The following CSMD3 variants were observed in gnomAD, a reference collection of about 807,000 sequenced individuals.
The protein encoded by CSMD3 is CUB and Sushi multiple domains 3, also known as CUB and sushi domain-containing protein 3.
In CSMD3, 177 loss-of-function variants were observed where a neutral mutation model predicts 435.2. That is an observed-to-expected ratio of 0.41 (90% confidence interval 0.36 to 0.46). The LOEUF (loss-of-function observed/expected upper bound fraction) is 0.46, where lower values mean the gene tolerates loss of function less well. Among genes scored for constraint, CSMD3 ranks in the 20% least tolerant of loss-of-function variants. The probability of loss-of-function intolerance (pLI) is 0.34; values close to 1 mark genes in which losing one functional copy is unlikely to be tolerated. For synonymous variants in CSMD3, 1,656 were observed against 1,520.5 expected, an observed-to-expected ratio of 1.09 and a Z score of -2.07; for missense variants, 4,265 against 4,504.6, an observed-to-expected ratio of 0.95 and a Z score of 1.52.
At chr8:112,414,450 A>T (rs1235568526) in intron 32 of CSMD3, among the ~76,000 whole-genome samples, 11 of 152,160 alleles carry the variant, frequency 7.2e-5, no homozygotes, top group Non-Finnish European at 2.9e-5. Flanking sequence ...TTCTGCCATG[A>T]TTGTAAATTT....
intron 3 of CSMD3, among the ~76,000 whole-genome samples, chr8:113,243,919 A>G (rs531490834): frequency 6.6e-6 from 1 of 152,234 alleles, no homozygotes; most frequent in South Asian, 2.1e-4. Context: ...TAGAATGGGT[A>G]TTGAAAACTT....
At chr8:113,245,505 T>G (rs2093267256) in intron 3 of CSMD3, among the ~76,000 whole-genome samples, 1 of 152,190 alleles carries the variant, frequency 6.6e-6, no homozygotes, top group African/African-American at 2.4e-5. Flanking sequence ...TTATTTTCAG[T>G]AATATATAAA....
chr8:113,250,927 A>G (rs1022638624), intron 3 of CSMD3, among the ~76,000 whole-genome samples: 3 of 152,076 alleles, frequency 2.0e-5, no homozygotes, highest in Non-Finnish European at 4.4e-5. Context: ...AAATAAATAA[A>G]GTGTAAATTA....
intron 32 of CSMD3, among the ~76,000 whole-genome samples, chr8:112,416,745 T>G (rs1342608128): frequency 6.6e-6 from 1 of 152,184 alleles, no homozygotes; most frequent in Non-Finnish European, 1.5e-5. Context: ...TTCAATTTGT[T>G]TGTCATTTTT....
chr8:112,529,008 C>A (rs190079412), intron 27 of CSMD3, among the ~76,000 whole-genome samples: 58 of 152,180 alleles, frequency 3.8e-4, no homozygotes, highest in African/African-American at 1.4e-3. Context: ...AGCTTCCCTG[C>A]TGCTCAGATG....
rs761457251 is a variant in CSMD3 at position 113,436,658 on chromosome 8, A to AC, written c.178+18dup. 1.2e-6 allele frequency: 2 copies of AC among 1,613,312 alleles called. No homozygotes were observed. The highest frequency in any genetic ancestry group is 2.2e-5 in the East Asian group (1 of 44,854). ...CCCACCTCCATCCAAAGCGGAGGGG[A>AC]CCCCCAAAGCAGACCTACCTTTCAC... On this transcript the variant is annotated intron_variant, in intron 1 of 70. Coordinates refer to ENST00000297405, the MANE Select transcript of CSMD3 (RefSeq NM_198123.2).
At chr8:113,203,434 G>T (rs1273125838) in intron 3 of CSMD3, among the ~76,000 whole-genome samples, 2 of 151,766 alleles carry the variant, frequency 1.3e-5, no homozygotes, top group East Asian at 3.9e-4. Context: ...GAGCCACCAT[G>T]ACCATCTAAT....
At chr8:112,532,751 GA>G (rs1825659376) in intron 27 of CSMD3, among the ~76,000 whole-genome samples, 1 of 152,066 alleles carries the variant, frequency 6.6e-6, no homozygotes, top group Admixed American at 6.6e-5. Flanking sequence ...GAAATCATCT[GA>G]AAGTATAAAA....
chr8:113,434,392 A>G (rs139898816), intron 1 of CSMD3, among the ~76,000 whole-genome samples: 11 of 152,336 alleles, frequency 7.2e-5, no homozygotes, highest in African/African-American at 1.2e-4. Context: ...CATTGCATCA[A>G]TCTTGGCTTT....
intron 32 of CSMD3, among the ~76,000 whole-genome samples, chr8:112,440,338 C>T (rs914850643): frequency 1.1e-4 from 17 of 152,156 alleles, no homozygotes; most frequent in African/African-American, 3.9e-4. Flanking sequence ...GTTGGATTCC[C>T]ATATCCCTGG....
intron 1 of CSMD3, among the ~76,000 whole-genome samples, chr8:113,382,254 C>A (rs1438015614): frequency 1.3e-5 from 2 of 152,124 alleles, no homozygotes; most frequent in Admixed American, 6.5e-5. Flanking sequence ...ATGTTAATTT[C>A]ACAGCATCCT....
chr8:112,720,624 T>C (rs1262642591), intron 13 of CSMD3, among the ~76,000 whole-genome samples: 1 of 152,182 alleles, frequency 6.6e-6, no homozygotes, highest in Non-Finnish European at 1.5e-5. Flanking sequence ...GGTGACACTC[T>C]GAACCGCAGC....
At chr8:113,017,296 G>A (rs913530185) in intron 6 of CSMD3, among the ~76,000 whole-genome samples, 1 of 151,952 alleles carries the variant, frequency 6.6e-6, no homozygotes, top group African/African-American at 2.4e-5. Context: ...GTAGCATGCT[G>A]AAATTTATAA....
intron 32 of CSMD3, among the ~76,000 whole-genome samples, chr8:112,462,630 G>T (rs141402230): frequency 3.3e-4 from 50 of 152,120 alleles, no homozygotes; most frequent in African/African-American, 1.2e-3. Context: ...AAATAACTTT[G>T]CTTAAAATGG....
intron 38 of CSMD3, among the ~76,000 whole-genome samples, chr8:112,377,902 T>TA (rs963695616): frequency 1.3e-5 from 2 of 151,980 alleles, no homozygotes; most frequent in South Asian, 2.1e-4. Context: ...TACTCAATGG[T>TA]AAAAAACAAA....
intron 4 of CSMD3, among the ~76,000 whole-genome samples, chr8:113,163,308 G>A (rs564136013): frequency 3.2e-4 from 49 of 151,820 alleles, no homozygotes; most frequent in African/African-American, 1.1e-3. Context: ...CATCTCCGTT[G>A]TTTAGAAAAA....
In CSMD3 at chr8:112,352,461, A is replaced by G. The variant is rs778847797; in HGVS notation, c.6210T>C (p.Val2070=). The change falls in exon 39 of 71, where the codon GTT becomes GTC. Residue 2070 remains valine, a synonymous_variant. Coordinates refer to ENST00000297405, the MANE Select transcript of CSMD3 (RefSeq NM_198123.2). ...SGIKIGDRYM[V]GDVVSFQCDQ... ...CACACTGAAAGGATACTACATCTCC[A>G]ACCATATATCTGTCTCCAATTTTAA... 15 of 1,613,624 alleles carry G rather than the reference A, an allele frequency of 9.3e-6. No individual in the cohort carries two copies. The highest frequency in any genetic ancestry group is 1.3e-5 in the Non-Finnish European group (15 of 1,179,796).
Position 113,270,145 on chromosome 8 carries a change from T to C in CSMD3, c.514+8447A>G, listed in dbSNP as rs2093508970. ...AAAAACAACCCCATCAATAAGTGGGTGAGGGATATGAACAGACACTTCTCA... is the reference window on the plus strand; with the variant it reads ...AAAAACAACCCCATCAATAAGTGGGCGAGGGATATGAACAGACACTTCTCA... On this transcript the variant is annotated intron_variant, in intron 3 of 70. Transcript: ENST00000297405. Among the ~76,000 whole-genome samples, 4 of 152,034 alleles carry C rather than the reference T, an allele frequency of 2.6e-5. No individual in the cohort carries two copies. In the South Asian group the frequency reaches 6.2e-4, roughly 24 times the overall value.
chr8:112,412,116 C>A (rs1022687311), intron 32 of CSMD3, among the ~76,000 whole-genome samples: 8 of 151,948 alleles, frequency 5.3e-5, no homozygotes, highest in Admixed American at 2.6e-4. Flanking sequence ...TTTGAATTCT[C>A]CTTTGAACCA....
Sources: allele counts gnomAD v4.1 joint callset (sites outside exome capture counted in the v4.1 genomes callset), GRCh38; gene constraint gnomAD v4.1.1; transcripts MANE v1.5; gene names NCBI Gene and HGNC (gene_info 2026-07-23, HGNC 2026-07-21).